BABAM2: variants seen among roughly 807,000 people sequenced by gnomAD.
The protein encoded by BABAM2 is BRISC and BRCA1 A complex member 2.
BABAM2 carries 31 observed loss-of-function variants against 54.7 expected under a neutral mutation model. That is an observed-to-expected ratio of 0.57 (90% CI 0.43 to 0.77). The LOEUF (loss-of-function observed/expected upper bound fraction) is 0.77, where lower values mean the gene tolerates loss of function less well. Among genes scored for constraint, BABAM2 ranks in the 30% least tolerant of loss-of-function variants. BABAM2 has a pLI of 0.00. For missense variants in BABAM2, 364 were observed against 455.8 expected, an observed-to-expected ratio of 0.80 and a Z score of 1.83; for synonymous variants, 167 against 162.9, an observed-to-expected ratio of 1.03 and a Z score of -0.19.
At chr2:28,168,171 C>G (rs1673918614) in intron 7 of BABAM2, among the ~76,000 whole-genome samples, 1 of 152,156 alleles carries the variant, frequency 6.6e-6, no homozygotes, top group South Asian at 2.1e-4. Flanking sequence ...TAGAAGCTGC[C>G]TTTAACAAGG....
chr2:27,973,464 C>T lies in BABAM2; in HGVS notation c.206-14529C>T, dbSNP rs529919266. 3.9e-5 allele frequency among the ~76,000 whole-genome samples: 6 copies of T among 151,940 alleles called. No individual in the cohort carries two copies. The South Asian group carries it at 1.0e-3, about 26-fold the overall frequency. On this transcript the variant is annotated intron_variant, in intron 3 of 11. Transcript: ENST00000379624. ...TTTTTTCCCCACCAACTCTTCTGTC[C>T]CTAAGGCAGGCAAGCTCTAGTGATG...
In BABAM2 at chr2:28,335,011, C is replaced by G. The variant is rs1466636596; in HGVS notation, c.1089-3439C>G. 2.6e-5 allele frequency among the ~76,000 whole-genome samples: 4 copies of G among 152,152 alleles called. No homozygotes were observed. In the East Asian group the frequency reaches 7.7e-4, roughly 29 times the overall value. On this transcript the variant is annotated intron_variant, in intron 11 of 11. Transcript: ENST00000379624. Reference sequence around the variant, plus strand: ...GCGGTTTGGCTGGCTCAGGGCTGTGCTGATCACAAGTGGATGGAAGAGGGT... The same window carrying G: ...GCGGTTTGGCTGGCTCAGGGCTGTGGTGATCACAAGTGGATGGAAGAGGGT...
intron 6 of BABAM2, among the ~76,000 whole-genome samples, chr2:28,065,616 A>G: frequency 6.6e-6 from 1 of 152,192 alleles, no homozygotes. Flanking sequence ...TAAGCTATAG[A>G]TAGGTTTTGT....
At chr2:28,248,207 C>CTTTTTCTTTTTCTTTTTTTTT (rs1553349503) in intron 10 of BABAM2, among the ~76,000 whole-genome samples, 1 of 54,304 alleles carries the variant, frequency 1.8e-5, no homozygotes, top group Non-Finnish European at 3.7e-5. Context: ...TTTTCTTTTT[C>CTTTTTCTTTTTCTTTTTTTTT]TTTTTTTTTT....
chr2:28,032,964 G>A (rs765661323), intron 5 of BABAM2, among the ~76,000 whole-genome samples: 50 of 152,076 alleles, frequency 3.3e-4, no homozygotes, highest in Non-Finnish European at 7.1e-4. Context: ...CAATGTATGT[G>A]TATAGTTCTG....
intron 3 of BABAM2, among the ~76,000 whole-genome samples, chr2:27,968,762 C>T (rs1841068): frequency 0.67 from 101,383 of 152,118 alleles, 35,217 homozygotes; most frequent in Middle Eastern, 0.82. Flanking sequence ...GGTGTATTTA[C>T]CCAATGCCTG....
At chr2:28,077,472 A>G (rs904015317) in intron 6 of BABAM2, among the ~76,000 whole-genome samples, 3 of 152,200 alleles carry the variant, frequency 2.0e-5, no homozygotes, top group African/African-American at 7.2e-5. Flanking sequence ...TTCACAAAAA[A>G]CTTGACATAG....
At chr2:27,996,625 A>G (rs7570395) in intron 4 of BABAM2, among the ~76,000 whole-genome samples, 11,973 of 152,202 alleles carry the variant, frequency 0.079, 804 homozygotes, top group African/African-American at 0.18. Flanking sequence ...AAGTCTTGAG[A>G]GGAGCTGGCT....
chr2:28,205,056 C>T (rs1297421304), intron 7 of BABAM2, among the ~76,000 whole-genome samples: 2 of 151,096 alleles, frequency 1.3e-5, no homozygotes, highest in African/African-American at 4.9e-5. Flanking sequence ...ACCTGGATCA[C>T]TGGGTCATTG....
intron 6 of BABAM2, among the ~76,000 whole-genome samples, chr2:28,059,413 C>T (rs1678687817): frequency 6.6e-6 from 1 of 152,082 alleles, no homozygotes; most frequent in African/African-American, 2.4e-5. Context: ...GGTGTTTCTC[C>T]TTGTTCCAGG....
At chr2:28,208,606 C>T (rs116305242) in intron 7 of BABAM2, among the ~76,000 whole-genome samples, 1,903 of 151,970 alleles carry the variant, frequency 0.013, 30 homozygotes, top group African/African-American at 0.044. Flanking sequence ...CTTCATTTCC[C>T]CTTTCCCTCC....
At chr2:28,026,841 T>TTTATATAA (rs1464853005) in intron 5 of BABAM2, among the ~76,000 whole-genome samples, 2 of 43,272 alleles carry the variant, frequency 4.6e-5, no homozygotes, top group South Asian at 6.1e-4. Context: ...TAAATATATA[T>TTTATATAA]AAATATATAT....
chr2:28,059,801 G>A (rs565571808), intron 6 of BABAM2, among the ~76,000 whole-genome samples: 7 of 152,208 alleles, frequency 4.6e-5, no homozygotes, highest in East Asian at 1.9e-4. Flanking sequence ...AAATTTTCTC[G>A]GATTTTACCA....
At chr2:28,022,319 C>T (rs898923375) in intron 4 of BABAM2, among the ~76,000 whole-genome samples, 2 of 152,198 alleles carry the variant, frequency 1.3e-5, no homozygotes, top group East Asian at 3.9e-4. Context: ...TTTTAGTTAA[C>T]TGATTGGAGG....
At chr2:28,213,225 C>CA (rs754472524) in intron 7 of BABAM2, among the ~76,000 whole-genome samples, 10,274 of 128,990 alleles carry the variant, frequency 0.08, 442 homozygotes, top group Non-Finnish European at 0.1. Context: ...GACCCTGTCT[C>CA]AAAAAAAAAA....
At position 28,251,523 on chromosome 2, in the gene BABAM2, C is replaced by T. The variant is rs374853643; in HGVS notation, c.934+6661C>T. 7.2e-4 allele frequency among the ~76,000 whole-genome samples: 109 copies of T among 152,270 alleles called. No individual in the cohort carries two copies. The Middle Eastern group carries it at 0.014, about 19-fold the overall frequency. The stretch of plus-strand genomic sequence containing the variant: ...CCTCACCACTAAAACACAAAGCTGT[C>T]GTAGTAGCAGCCACTCAGTTCCTGA... On this transcript the variant is annotated intron_variant, in intron 10 of 11. Transcript: ENST00000379624.
chr2:28,218,996 T>TGCTATATTAG (rs1680155383), intron 7 of BABAM2, among the ~76,000 whole-genome samples: 1 of 152,258 alleles, frequency 6.6e-6, no homozygotes, highest in South Asian at 2.1e-4. Context: ...GTATTTTGAA[T>TGCTATATTAG]GCTATATTAG....
intron 7 of BABAM2, among the ~76,000 whole-genome samples, chr2:28,192,514 G>T (rs1346352744): frequency 7.1e-6 from 1 of 141,392 alleles, no homozygotes; most frequent in Non-Finnish European, 1.5e-5. Context: ...TGGGTTTATA[G>T]CTCTTTTTTT....
chr2:28,093,923 A>T (rs1365105073), intron 6 of BABAM2, among the ~76,000 whole-genome samples: 1 of 152,184 alleles, frequency 6.6e-6, no homozygotes, highest in Non-Finnish European at 1.5e-5. Flanking sequence ...GATTGGGAGT[A>T]CAATAGTGTA....
Sources: gnomAD v4.1 joint callset for allele counts (sites outside exome capture counted in the v4.1 genomes callset) on GRCh38, gnomAD v4.1.1 for gene constraint, MANE v1.5 for transcripts, NCBI Gene and HGNC (gene_info 2026-07-23, HGNC 2026-07-21) for gene names.